The following CPNE2 variants were observed in gnomAD, a reference collection of about 807,000 sequenced individuals.
CPNE2 encodes copine 2.
In CPNE2, 42 loss-of-function variants were observed where a neutral mutation model predicts 69.7. The observed-to-expected ratio is 0.60, with a 90% CI of 0.47 to 0.78. CPNE2 has a LOEUF of 0.78. CPNE2 is among the 30% of genes least tolerant of loss of function. The pLI, the probability that CPNE2 is intolerant of heterozygous loss-of-function variation, is 0.00. For synonymous variants in CPNE2, 294 were observed against 289.8 expected, an observed-to-expected ratio of 1.01 and a Z score of -0.15; for missense variants, 587 against 732.0, an observed-to-expected ratio of 0.80 and a Z score of 2.29.
intron 2 of CPNE2, chr16:57,113,028 G>C: frequency 2.5e-6 from 1 of 395,276 alleles, no homozygotes; most frequent in South Asian, 3.2e-5. Context: ...AAAGAATTAA[G>C]AGTGTGGGTA....
At chr16:57,112,251 G>A (rs1331200136) in intron 2 of CPNE2, among the ~76,000 whole-genome samples, 1 of 152,146 alleles carries the variant, frequency 6.6e-6, no homozygotes, top group African/African-American at 2.4e-5. Flanking sequence ...CTTGTTGATG[G>A]TACAACTGTA....
chr16:57,127,054 G>A (rs1290910590), intron 11 of CPNE2, among the ~76,000 whole-genome samples: 1 of 152,188 alleles, frequency 6.6e-6, no homozygotes, highest in Non-Finnish European at 1.5e-5. Context: ...AATGAAATGT[G>A]GTCCCTGTCC....
chr16:57,105,894 G>A (rs1351352031), intron 1 of CPNE2, among the ~76,000 whole-genome samples: 1 of 152,156 alleles, frequency 6.6e-6, no homozygotes, highest in Non-Finnish European at 1.5e-5. Context: ...TGGGGTGGGG[G>A]CTGCCCCAGA....
Position 57,094,363 on chromosome 16 carries a change from A to C in CPNE2, c.-36+1573A>C, listed in dbSNP as rs560147191. 1.6e-4 allele frequency among the ~76,000 whole-genome samples: 25 copies of C among 152,252 alleles called. No individual in the cohort carries two copies. The South Asian group carries it at 5.0e-3, about 30-fold the overall frequency. ...ACGTTCTGCAAGTAGGGAGCACTTC[A>C]TGAGTGGCAAGTGTGGTGTCTCTGG... On this transcript the variant is annotated intron_variant, in intron 1 of 15. Coordinates refer to ENST00000290776, the MANE Select transcript of CPNE2 (RefSeq NM_152727.6).
At chr16:57,098,108 AG>A (rs2069589709) in intron 1 of CPNE2, among the ~76,000 whole-genome samples, 1 of 152,150 alleles carries the variant, frequency 6.6e-6, no homozygotes. Context: ...GGGTGTCCCA[AG>A]GGAAGCCACC....
intron 13 of CPNE2, among the ~76,000 whole-genome samples, chr16:57,135,294 G>A (rs2069870781): frequency 6.6e-6 from 1 of 152,128 alleles, no homozygotes; most frequent in East Asian, 1.9e-4. Flanking sequence ...GGGAGGCAGG[G>A]GCTGGGAAGT....
intron 1 of CPNE2, among the ~76,000 whole-genome samples, chr16:57,109,471 G>A (rs1298283390): frequency 1.1e-4 from 15 of 133,730 alleles, no homozygotes. Flanking sequence ...GCCAGACTCT[G>A]CCTCAAAAAA....
At chr16:57,144,999 T>C (rs2069946984) in intron 14 of CPNE2, 1 of 152,022 alleles carries the variant, frequency 6.6e-6, no homozygotes, top group African/African-American at 2.4e-5. Flanking sequence ...CCTCAGATGG[T>C]CCAATGAGCC....
At chr16:57,125,154 C>T (rs2145263734) in intron 10 of CPNE2, 1 of 380,400 alleles carries the variant, frequency 2.6e-6, no homozygotes, top group South Asian at 1.8e-5. Flanking sequence ...CCCTCTGTGC[C>T]CTTTCTCCAG....
intron 1 of CPNE2, among the ~76,000 whole-genome samples, chr16:57,103,850 A>G (rs1294909125): frequency 2.0e-5 from 3 of 152,078 alleles, no homozygotes; most frequent in African/African-American, 7.2e-5. Context: ...AAAGCTACCT[A>G]TTGTTCCAAG....
chr16:57,132,738 C>T (rs1567671794), intron 12 of CPNE2, among the ~76,000 whole-genome samples: 1 of 152,174 alleles, frequency 6.6e-6, no homozygotes, highest in Admixed American at 6.5e-5. Context: ...TGAGCTGCCA[C>T]TCCTGGTAGC....
At position 57,134,846 on chromosome 16, in the gene CPNE2, G is replaced by A. The variant is rs746033049; in HGVS notation, c.1168+20G>A. ...GCTCAGGTGAGTGTCAGACCCACCTGCAGCTGCCCTGTGTTTGCTACGGGC... is the reference window on the plus strand; with the variant it reads ...GCTCAGGTGAGTGTCAGACCCACCTACAGCTGCCCTGTGTTTGCTACGGGC... On this transcript the variant is annotated intron_variant, in intron 13 of 15. Coordinates refer to ENST00000290776, the MANE Select transcript of CPNE2 (RefSeq NM_152727.6). The A allele has an allele frequency of 1.2e-6, 2 of 1,613,554 alleles. No individual in the cohort carries two copies. Among genetic ancestry groups the A allele is most frequent in the Non-Finnish European group, 1.7e-6 (2 of 1,179,718 alleles).
chr16:57,125,269 G>A lies in CPNE2; in HGVS notation c.928-591G>A, dbSNP rs1166043714. 7 of 455,962 alleles carry A rather than the reference G, an allele frequency of 1.5e-5. No homozygotes were observed. The East Asian group carries it at 2.1e-4, about 14-fold the overall frequency. 28.2% of individuals were successfully genotyped at this position (455,962 alleles called of 1,614,324 possible). On this transcript the variant is annotated intron_variant, in intron 10 of 15. Transcript: ENST00000290776. ...TTAATAAGCACCTGCCTTGTCTGCT[G>A]TTCCCAGCCCTGGGCCAGGCTTCTC...
At chr16:57,119,158 T>C (rs780069694) in intron 5 of CPNE2, 37 bp from the exon 6 acceptor site, 5 of 1,583,446 alleles carry the variant, frequency 3.2e-6, no homozygotes, top group Non-Finnish European at 2.6e-6. Flanking sequence ...CTAGCAGGGC[T>C]GTACCTCTCT....
intron 1 of CPNE2, among the ~76,000 whole-genome samples, chr16:57,103,476 G>C (rs760625816): frequency 6.6e-6 from 1 of 152,096 alleles, no homozygotes; most frequent in Non-Finnish European, 1.5e-5. Flanking sequence ...GACAGCACAC[G>C]GTGCCCTTGC....
chr16:57,096,489 C>G (rs950142083), intron 1 of CPNE2, among the ~76,000 whole-genome samples: 5 of 152,036 alleles, frequency 3.3e-5, no homozygotes, highest in Non-Finnish European at 7.4e-5. Context: ...CCCAGGAGTT[C>G]AAGACCAGCC....
chr16:57,113,531 C>T (rs2069695788), intron 3 of CPNE2, 64 bp downstream of exon 3: 1 of 1,509,534 alleles, frequency 6.6e-7, no homozygotes, highest in Non-Finnish European at 9.0e-7. Context: ...CAAAAAGTCT[C>T]TTCTCGTGCT....
chr16:57,127,995 G>C, intron 12 of CPNE2, 92 bp downstream of exon 12: 2 of 1,317,244 alleles, frequency 1.5e-6, no homozygotes, highest in Non-Finnish European at 2.2e-6. Context: ...TCTTGGGCTG[G>C]GGCCCTGTTG....
chr16:57,145,867 C>G, intron 14 of CPNE2: 2 of 579,236 alleles, frequency 3.5e-6, no homozygotes, highest in East Asian at 5.8e-5. Flanking sequence ...GCAGTTTGTA[C>G]TTCCTGCTGT....
Sources: allele counts gnomAD v4.1 joint callset (sites outside exome capture counted in the v4.1 genomes callset), GRCh38; gene constraint gnomAD v4.1.1; transcripts MANE v1.5; gene names NCBI Gene and HGNC (gene_info 2026-07-23, HGNC 2026-07-21).